The following VTA1 variants were observed in gnomAD, a reference collection of about 807,000 sequenced individuals.
The protein encoded by VTA1 is vacuolar protein sorting-associated protein VTA1 homolog.
Under a neutral mutation model 36.9 loss-of-function variants are expected in VTA1, and 24 were observed. The observed-to-expected ratio is 0.65, with a 90% confidence interval of 0.47 to 0.91. The LOEUF is 0.91. VTA1 is among the 40% of genes least tolerant of loss of function. VTA1 has a pLI of 0.00. For missense variants in VTA1, 393 were observed against 377.2 expected (o/e 1.04, Z -0.35); for synonymous variants, 142 against 130.2 (o/e 1.09, Z -0.62).
intron 1 of VTA1, among the ~76,000 whole-genome samples, chr6:142,153,566 C>G (rs1036745571): frequency 9.2e-5 from 14 of 151,866 alleles, no homozygotes; most frequent in African/African-American, 3.4e-4. Flanking sequence ...TGTTTTATCA[C>G]TTTTTAAAAT....
intron 7 of VTA1, among the ~76,000 whole-genome samples, chr6:142,211,423 G>A (rs989488742): frequency 1.3e-5 from 2 of 152,106 alleles, no homozygotes; most frequent in African/African-American, 4.8e-5. Context: ...AAATGATAAC[G>A]CAGATTTCAT....
intron 7 of VTA1, 148 bp from the exon 8 acceptor site, chr6:142,218,350 T>G (rs924530881): frequency 1.3e-6 from 1 of 755,088 alleles, no homozygotes; most frequent in East Asian, 2.9e-5. Context: ...ATGAAGAAAA[T>G]GTATCAAAGT....
chr6:142,197,940 A>C (rs573253121), intron 5 of VTA1, among the ~76,000 whole-genome samples: 2 of 151,366 alleles, frequency 1.3e-5, no homozygotes, highest in Admixed American at 6.6e-5. Context: ...AACCAAAAAA[A>C]AAACAAACTA....
At chr6:142,161,078 TC>T (rs112484201) in intron 1 of VTA1, among the ~76,000 whole-genome samples, 4,144 of 116,048 alleles carry the variant, frequency 0.036, 337 homozygotes, top group African/African-American at 0.13. Context: ...CTTCCTTCCT[TC>T]CCCCCCCCCC....
intron 4 of VTA1, among the ~76,000 whole-genome samples, chr6:142,176,567 A>C (rs866520669): frequency 1.3e-5 from 2 of 151,726 alleles, no homozygotes; most frequent in African/African-American, 4.8e-5. Context: ...GCCCAGGACA[A>C]TATTTCTCAA....
chr6:142,180,317 G>T (rs1234967359), intron 4 of VTA1, among the ~76,000 whole-genome samples: 2 of 152,160 alleles, frequency 1.3e-5, no homozygotes, highest in Non-Finnish European at 2.9e-5. Flanking sequence ...GGTTCCCATT[G>T]TCCAAGCCAG....
chr6:142,159,896 ATGC>A (rs1774764825), intron 1 of VTA1, among the ~76,000 whole-genome samples: 1 of 151,932 alleles, frequency 6.6e-6, no homozygotes, highest in African/African-American at 2.4e-5. Context: ...TTTTCTTTAA[ATGC>A]TTTCTATAGT....
At chr6:142,158,746 T>C (rs1056467806) in intron 1 of VTA1, among the ~76,000 whole-genome samples, 3 of 152,166 alleles carry the variant, frequency 2.0e-5, no homozygotes, top group Non-Finnish European at 2.9e-5. Context: ...TCTTTTAGAA[T>C]TCTGTCATAC....
chr6:142,173,334 A>G (rs1238214128), intron 4 of VTA1, among the ~76,000 whole-genome samples: 1 of 152,254 alleles, frequency 6.6e-6, no homozygotes, highest in Non-Finnish European at 1.5e-5. Flanking sequence ...TGGAAATTCA[A>G]GATACCAGAA....
chr6:142,189,405 T>C (rs1775407694), intron 4 of VTA1, 21 bp from the exon 5 acceptor site: 2 of 1,564,310 alleles, frequency 1.3e-6, no homozygotes, highest in East Asian at 4.5e-5. Flanking sequence ...CCAATGTTGA[T>C]ATAAAAATGC....
rs879322260 is a variant in VTA1, at chr6:142,169,670, T to A, written c.328T>A (p.Phe110Ile). The A allele has an allele frequency of 6.3e-7, 1 of 1,578,298 alleles. No individual in the cohort carries two copies. The highest frequency in any genetic ancestry group is 1.9e-5 in the Admixed American group (1 of 51,350). Residue 110 changes from phenylalanine (F) to isoleucine (I), a missense_variant, in exon 3 of 8, where the codon TTT becomes ATT. By Grantham distance (21) the Phe-to-Ile change is conservative. Coordinates refer to ENST00000367630, the MANE Select transcript of VTA1 (RefSeq NM_016485.5). ...YADNEDRAGRFHKNMIKSFYT... is the reference protein window; with the variant it reads ...YADNEDRAGRIHKNMIKSFYT... ...AGACAATGAAGATCGTGCTGGACGA[T>A]TTCACAAGTAAGTAAAGAGAAAAAT...
At chr6:142,176,493 C>T (rs190449219) in intron 4 of VTA1, among the ~76,000 whole-genome samples, 5 of 152,184 alleles carry the variant, frequency 3.3e-5, no homozygotes, top group African/African-American at 9.6e-5. Flanking sequence ...TCTTTCACAA[C>T]TCTGAATTAT....
At chr6:142,192,807 T>A (rs1188636614) in intron 5 of VTA1, among the ~76,000 whole-genome samples, 1 of 152,048 alleles carries the variant, frequency 6.6e-6, no homozygotes, top group Non-Finnish European at 1.5e-5. Context: ...TAGAAATGGC[T>A]TATGGCTTCA....
At chr6:142,187,040 C>G (rs1443176787) in intron 4 of VTA1, among the ~76,000 whole-genome samples, 1 of 151,840 alleles carries the variant, frequency 6.6e-6, no homozygotes. Context: ...AAATCTGGGC[C>G]CAGATATTTC....
chr6:142,213,706 A>G lies in VTA1; in HGVS notation c.779-4792A>G, dbSNP rs116833810. ...TCTGCGCACCCATAGGCCCAACACC[A>G]CACCTTGGTGTGGCCATGGCCCAAG... On this transcript the variant is annotated intron_variant, in intron 7 of 7. Coordinates refer to ENST00000367630, the MANE Select transcript of VTA1 (RefSeq NM_016485.5). 8.5e-3 allele frequency among the ~76,000 whole-genome samples: 1,296 copies of G among 152,214 alleles called. 14 individuals carry two copies. The highest frequency in any genetic ancestry group is 0.029 in the African/African-American group (1,216 of 41,526).
At chr6:142,173,471 G>C (rs530426100) in intron 4 of VTA1, among the ~76,000 whole-genome samples, 1 of 152,102 alleles carries the variant, frequency 6.6e-6, no homozygotes, top group African/African-American at 2.4e-5. Context: ...GGGTTTCACT[G>C]TGTTGGCCAG....
chr6:142,188,236 T>C (rs1282085806), intron 4 of VTA1, among the ~76,000 whole-genome samples: 2 of 103,042 alleles, frequency 1.9e-5, no homozygotes, highest in East Asian at 2.8e-4. Context: ...TTTTTTTTTT[T>C]TTTTTTTTTT....
intron 1 of VTA1, among the ~76,000 whole-genome samples, chr6:142,157,264 A>G (rs1778678998): frequency 1.3e-5 from 2 of 152,384 alleles, no homozygotes; most frequent in Non-Finnish European, 1.5e-5. Context: ...TAACTAAACC[A>G]ATAAAGAGAA....
At chr6:142,213,721 C>G (rs889531017) in intron 7 of VTA1, among the ~76,000 whole-genome samples, 1 of 152,170 alleles carries the variant, frequency 6.6e-6, no homozygotes, top group Non-Finnish European at 1.5e-5. Context: ...TTGGTGTGGC[C>G]ATGGCCCAAG....
Sources: gnomAD v4.1 joint callset for allele counts (sites outside exome capture counted in the v4.1 genomes callset) on GRCh38, gnomAD v4.1.1 for gene constraint, MANE v1.5 for transcripts, NCBI Gene and HGNC (gene_info 2026-07-23, HGNC 2026-07-21) for gene names.